The following PPM1B variants were observed in gnomAD, a reference collection of about 807,000 sequenced individuals.
PPM1B encodes protein phosphatase 1B.
PPM1B carries 22 observed loss-of-function variants against 43.0 expected under a neutral mutation model. That is an observed-to-expected ratio of 0.51 (90% CI 0.37 to 0.73). The LOEUF (loss-of-function observed/expected upper bound fraction) is 0.73. PPM1B is among the 30% of genes least tolerant of loss of function. The pLI is 0.00. For missense variants in PPM1B, 632 were observed against 584.2 expected, an observed-to-expected ratio of 1.08 and a Z score of -0.84; for synonymous variants, 217 against 197.9, an observed-to-expected ratio of 1.10 and a Z score of -0.81.
At chr2:44,231,723 CAT>C (rs994628749), downstream of PPM1B, among the ~76,000 whole-genome samples, 34 of 152,060 alleles carry the variant, frequency 2.2e-4, no homozygotes, top group African/African-American at 5.3e-4. Context: ...ACACATTAGA[CAT>C]GTGAGAAAAT....
chr2:44,231,029 A>G lies in PPM1B; in HGVS notation c.*311A>G, dbSNP rs1300143246. 1.1e-5 allele frequency: 11 copies of G among 957,904 alleles called. No individual in the cohort carries two copies. The highest frequency in any genetic ancestry group is 1.4e-5 in the Non-Finnish European group (11 of 790,278). 59.3% of individuals were successfully genotyped at this position (957,904 alleles called of 1,614,324 possible). On this transcript the variant is annotated 3_prime_UTR_variant, in exon 6 of 6. Coordinates refer to ENST00000282412, the MANE Select transcript of PPM1B (RefSeq NM_002706.6). ...AGATAGAATTAGAAATTTTGATTAGAGAGATTATGCTATATTATGGAAAAA... is the reference window on the plus strand; with the variant it reads ...AGATAGAATTAGAAATTTTGATTAGGGAGATTATGCTATATTATGGAAAAA...
intron 1 of PPM1B, among the ~76,000 whole-genome samples, chr2:44,188,463 A>G (rs148682141): frequency 2.1e-5 from 3 of 141,284 alleles, no homozygotes; most frequent in African/African-American, 8.0e-5. Context: ...CAGTACGATC[A>G]TGGCTCACTG....
intron 3 of PPM1B, among the ~76,000 whole-genome samples, chr2:44,217,008 T>C (rs1387906926): frequency 2.0e-5 from 3 of 151,900 alleles, no homozygotes; most frequent in African/African-American, 7.3e-5. Flanking sequence ...TAGAAGTCTT[T>C]GAATGGATCC....
At chr2:44,240,118 C>T (rs750701171) in intron 5 of PPM1B, among the ~76,000 whole-genome samples, 2 of 145,706 alleles carry the variant, frequency 1.4e-5, no homozygotes, top group Admixed American at 6.8e-5. Flanking sequence ...AGCAATCCTC[C>T]TGCCTCGGCC....
chr2:44,238,595 A>T (rs531216005), downstream of PPM1B, among the ~76,000 whole-genome samples: 1 of 152,034 alleles, frequency 6.6e-6, no homozygotes, highest in Admixed American at 6.6e-5. Flanking sequence ...CTAGCTACTC[A>T]GGAGGCTGAG....
At chr2:44,236,760 C>T (rs1010244412), downstream of PPM1B, among the ~76,000 whole-genome samples, 1 of 152,110 alleles carries the variant, frequency 6.6e-6, no homozygotes, top group Non-Finnish European at 1.5e-5. Context: ...AAATATTATT[C>T]TTCCTTGTCT....
intron 5 of PPM1B, among the ~76,000 whole-genome samples, chr2:44,221,040 C>CCCTAAAATGCT (rs1669956227): frequency 6.6e-6 from 1 of 152,090 alleles, no homozygotes; most frequent in South Asian, 2.1e-4. Flanking sequence ...TAATGGACCA[C>CCCTAAAATGCT]CTTATGTTTA....
In PPM1B at chr2:44,220,616, C is replaced by T. The variant is rs142953696; in HGVS notation, c.1134+2079C>T. On this transcript the variant is annotated intron_variant, in intron 5 of 5. Transcript: ENST00000282412. ...TTCACAGAGGGAGAAGACTAGAAAA[C>T]GTAAGACGTGACCCCACCTGTGTGT... 3.6e-3 allele frequency among the ~76,000 whole-genome samples: 553 copies of T among 152,276 alleles called. 4 individuals are homozygous for T. The highest frequency in any genetic ancestry group is 6.2e-3 in the Non-Finnish European group (419 of 68,018).
chr2:44,213,940 C>T (rs1465631190), intron 3 of PPM1B, among the ~76,000 whole-genome samples: 1 of 152,170 alleles, frequency 6.6e-6, no homozygotes, highest in Non-Finnish European at 1.5e-5. Context: ...CTTCCTCATT[C>T]ATAAAGAAAC....
rs761461515 is a variant in PPM1B at position 44,201,976 on chromosome 2, A to G, written c.777A>G (p.Lys259=). The change falls in exon 2 of 6, where the codon AAA becomes AAG. Residue 259 remains lysine (K), a synonymous_variant. Transcript: ENST00000282412. The surrounding 1 kb of genome is among the most constrained non-coding windows in gnomAD (Gnocchi z 5.4). The part of the protein sequence containing the change: ...MSNEELCEYV[K]SRLEVSDDLE... ...ATGAGGAGCTCTGTGAATATGTTAA[A>G]TCTAGGCTTGAGGTATCTGATGACC... 2.5e-6 allele frequency: 4 copies of G among 1,613,882 alleles called. No homozygotes were observed. Among genetic ancestry groups the G allele is most frequent in the Admixed American group, 1.7e-5 (1 of 59,980 alleles).
At chr2:44,217,255 C>T (rs1015439563) in intron 3 of PPM1B, among the ~76,000 whole-genome samples, 13 of 151,280 alleles carry the variant, frequency 8.6e-5, no homozygotes, top group African/African-American at 2.7e-4. Flanking sequence ...CAAAATTAGC[C>T]AGGCATGGTA....
intron 3 of PPM1B, among the ~76,000 whole-genome samples, chr2:44,212,590 T>C (rs189097505): frequency 2.0e-5 from 3 of 152,354 alleles, no homozygotes. Context: ...ATTGCTGATA[T>C]GTTTGAGTTT....
chr2:44,215,546 T>A (rs951700315), intron 3 of PPM1B, among the ~76,000 whole-genome samples: 13 of 152,202 alleles, frequency 8.5e-5, no homozygotes, highest in Admixed American at 8.5e-4. Flanking sequence ...TCATGTAATA[T>A]GACATTAAAT....
Position 44,209,287 on chromosome 2 carries a change from A to G in PPM1B, c.924A>G (p.Lys308=). Residue 308 remains lysine, a synonymous_variant, in exon 3 of 6, where the codon AAA becomes AAG. Transcript: ENST00000282412. The part of the protein sequence containing the change: ...APKVSDEAVK[K]DSELDKHLES... ...AGGTCTCAGATGAAGCGGTGAAAAA[A>G]GATTCAGAGTTGGATAAGCACTTGG... The G allele has an allele frequency of 1.9e-6, 3 of 1,614,132 alleles. No individual in the cohort carries two copies. The highest frequency in any genetic ancestry group is 2.5e-6 in the Non-Finnish European group (3 of 1,179,980).
intron 5 of PPM1B, 182 bp from the exon 6 acceptor site, chr2:44,230,231 G>A: frequency 7.1e-7 from 1 of 1,415,524 alleles, no homozygotes; most frequent in Non-Finnish European, 9.3e-7. Context: ...AATGACTTGA[G>A]ATTATTATTG....
intron 3 of PPM1B, among the ~76,000 whole-genome samples, chr2:44,214,722 G>A (rs77930549): frequency 1.3e-5 from 2 of 151,878 alleles, no homozygotes; most frequent in Non-Finnish European, 2.9e-5. Flanking sequence ...AGTGTGTGGG[G>A]GTTTTCAGTA....
chr2:44,184,696 G>C (rs960093220), intron 1 of PPM1B, among the ~76,000 whole-genome samples: 5 of 151,914 alleles, frequency 3.3e-5, no homozygotes, highest in Admixed American at 3.3e-4. Flanking sequence ...CTAAGTTGCT[G>C]TTGGCACAGA....
downstream of PPM1B, chr2:44,244,528 C>A: frequency 4.8e-6 from 2 of 416,814 alleles, no homozygotes; most frequent in Non-Finnish European, 7.2e-6. Flanking sequence ...TGGTTTGATT[C>A]CAGGGACTCT....
chr2:44,214,554 A>G (rs1669633391), intron 3 of PPM1B, among the ~76,000 whole-genome samples: 1 of 152,108 alleles, frequency 6.6e-6, no homozygotes, highest in Non-Finnish European at 1.5e-5. Flanking sequence ...TCCCATAAAG[A>G]TAAGTGGAAT....
Sources: allele counts gnomAD v4.1 joint callset (sites outside exome capture counted in the v4.1 genomes callset), GRCh38; gene constraint gnomAD v4.1.1; non-coding constraint Gnocchi (gnomAD v3.1); transcripts MANE v1.5; gene names NCBI Gene and HGNC (gene_info 2026-07-23, HGNC 2026-07-21).